The following PLCXD3 variants were observed in gnomAD, a reference collection of about 807,000 sequenced individuals.
PLCXD3 encodes the protein phosphatidylinositol specific phospholipase C X domain containing 3.
PLCXD3 carries 19 observed loss-of-function variants against 25.5 expected under a neutral mutation model. The observed-to-expected ratio is 0.75, with a 90% confidence interval of 0.52 to 1.09. The LOEUF (loss-of-function observed/expected upper bound fraction) is 1.09. PLCXD3 is among the 50% of genes least tolerant of loss of function. The pLI is 0.00. For missense variants in PLCXD3, 411 were observed against 388.1 expected, an observed-to-expected ratio of 1.06 and a Z score of -0.50; for synonymous variants, 174 against 137.6, an observed-to-expected ratio of 1.26 and a Z score of -1.85.
chr5:41,456,545 AC>A, intron 1 of PLCXD3: 1 of 941,496 alleles, frequency 1.1e-6, no homozygotes, highest in Non-Finnish European at 1.3e-6. Flanking sequence ...CTCTAGACTT[AC>A]CCATTTTATT....
intron 1 of PLCXD3, among the ~76,000 whole-genome samples, chr5:41,419,700 C>T (rs1349067326): frequency 3.9e-5 from 6 of 152,168 alleles, no homozygotes. Context: ...TAGATTGCCC[C>T]AGTCCCACTA....
chr5:41,406,969 C>T (rs77070214), intron 1 of PLCXD3, among the ~76,000 whole-genome samples: 16,486 of 152,158 alleles, frequency 0.11, 1,074 homozygotes, highest in Admixed American at 0.17. Context: ...TTTTATAGCC[C>T]TCTACCACCC....
At chr5:41,493,621 A>C (rs1219071081) in intron 1 of PLCXD3, among the ~76,000 whole-genome samples, 2 of 152,178 alleles carry the variant, frequency 1.3e-5, no homozygotes, top group African/African-American at 2.4e-5. Flanking sequence ...TGTTTATCTA[A>C]GCAAGCCTGG....
intron 1 of PLCXD3, among the ~76,000 whole-genome samples, chr5:41,464,036 T>C (rs1295326419): frequency 6.6e-6 from 1 of 152,026 alleles, no homozygotes; most frequent in Non-Finnish European, 1.5e-5. Context: ...TTAGCTACCA[T>C]AATTGTACTG....
At chr5:41,436,664 C>CTACT (rs796450807) in intron 1 of PLCXD3, among the ~76,000 whole-genome samples, 6 of 152,278 alleles carry the variant, frequency 3.9e-5, no homozygotes, top group African/African-American at 1.4e-4. Flanking sequence ...AAACCACCAC[C>CTACT]TACTAAGCAC....
intron 1 of PLCXD3, among the ~76,000 whole-genome samples, chr5:41,474,894 C>T (rs1748246848): frequency 6.6e-6 from 1 of 152,198 alleles, no homozygotes; most frequent in Admixed American, 6.5e-5. Flanking sequence ...CCAACTAACG[C>T]AACCCGTTCT....
intron 2 of PLCXD3, among the ~76,000 whole-genome samples, chr5:41,375,400 G>A (rs964388005): frequency 2.6e-5 from 4 of 152,048 alleles, no homozygotes; most frequent in African/African-American, 9.7e-5. Context: ...CCTCTCTGGG[G>A]TGTCTCTTCT....
At chr5:41,316,249 C>G (rs1169227796) in intron 2 of PLCXD3, among the ~76,000 whole-genome samples, 1 of 152,126 alleles carries the variant, frequency 6.6e-6, no homozygotes, top group African/African-American at 2.4e-5. Flanking sequence ...TTTCTAGACA[C>G]ACCCTGGGCC....
At chr5:41,391,395 T>C (rs553363258) in intron 1 of PLCXD3, among the ~76,000 whole-genome samples, 1 of 152,078 alleles carries the variant, frequency 6.6e-6, no homozygotes, top group Non-Finnish European at 1.5e-5. Flanking sequence ...AGGACACCAG[T>C]CAGAGTCATG....
At chr5:41,478,760 A>G (rs570949282) in intron 1 of PLCXD3, among the ~76,000 whole-genome samples, 2 of 152,300 alleles carry the variant, frequency 1.3e-5, no homozygotes, top group Non-Finnish European at 2.9e-5. Flanking sequence ...TATGAAGAAA[A>G]GAGATTTAAT....
intron 1 of PLCXD3, among the ~76,000 whole-genome samples, chr5:41,429,770 T>C (rs574175131): frequency 6.6e-6 from 1 of 152,166 alleles, no homozygotes; most frequent in Non-Finnish European, 1.5e-5. Context: ...AATTCAGATC[T>C]GAGACAGTTT....
intron 1 of PLCXD3, among the ~76,000 whole-genome samples, chr5:41,461,311 T>C (rs1007219111): frequency 4.6e-5 from 7 of 151,976 alleles, no homozygotes; most frequent in African/African-American, 1.7e-4. Flanking sequence ...TGAAACATTT[T>C]TTCTTTCTTT....
intron 1 of PLCXD3, among the ~76,000 whole-genome samples, chr5:41,393,131 T>A (rs200218689): frequency 1.1e-4 from 17 of 152,210 alleles, no homozygotes; most frequent in East Asian, 3.9e-4. Flanking sequence ...GAAAAAGTCA[T>A]AGGGGTAGAA....
At chr5:41,421,918 A>G (rs1465166215) in intron 1 of PLCXD3, among the ~76,000 whole-genome samples, 1 of 152,176 alleles carries the variant, frequency 6.6e-6, no homozygotes, top group African/African-American at 2.4e-5. Context: ...TTATGTAACA[A>G]CATGCTTTTC....
rs753818795 is a variant in PLCXD3, at chr5:41,382,534, C to A, written c.104G>T (p.Gly35Val). ...SIPLTNLAIP[G>V]SHDSFSFYID... is the part of the protein sequence containing the mutation. The stretch of plus-strand genomic sequence containing the variant: ...GTAGAAGCTGAAGGAATCATGAGAC[C>A]CTAGGAGAATAACAAGGCATAGTGT... The change falls in exon 2 of 3, where the codon GGG becomes GTG. Residue 35 changes from glycine to valine, a missense_variant and splice_region_variant. Gly to Val is a moderately radical substitution (Grantham distance 109). Coordinates refer to ENST00000377801, the MANE Select transcript of PLCXD3 (RefSeq NM_001005473.3). 6.3e-7 allele frequency: 1 copy of A among 1,584,586 alleles called. No homozygotes were observed. The highest frequency in any genetic ancestry group is 1.1e-5 in the South Asian group (1 of 89,050).
chr5:41,376,143 T>G (rs558618318), intron 2 of PLCXD3, among the ~76,000 whole-genome samples: 2 of 152,194 alleles, frequency 1.3e-5, no homozygotes, highest in East Asian at 3.9e-4. Context: ...CTCAAGATGA[T>G]CACTGTGATG....
chr5:41,424,272 G>A (rs1051223664), intron 1 of PLCXD3, among the ~76,000 whole-genome samples: 10 of 152,072 alleles, frequency 6.6e-5, no homozygotes, highest in South Asian at 4.2e-4. Context: ...GGCTGGGCGC[G>A]GTGGCTCACG....
chr5:41,482,151 G>A (rs1006289884), intron 1 of PLCXD3, among the ~76,000 whole-genome samples: 1 of 152,066 alleles, frequency 6.6e-6, no homozygotes, highest in Non-Finnish European at 1.5e-5. Context: ...CTTTCAATGG[G>A]TCTTTTTCTC....
chr5:41,464,046 G>A (rs138326712), intron 1 of PLCXD3, among the ~76,000 whole-genome samples: 89 of 151,944 alleles, frequency 5.9e-4, no homozygotes, highest in Non-Finnish European at 3.2e-4. Flanking sequence ...TAATTGTACT[G>A]TCTAATTTAT....
Sources: gnomAD v4.1 joint callset for allele counts (sites outside exome capture counted in the v4.1 genomes callset) on GRCh38, gnomAD v4.1.1 for gene constraint, MANE v1.5 for transcripts, NCBI Gene and HGNC (gene_info 2026-07-23, HGNC 2026-07-21) for gene names.